Variants in PRTG observed in about 807,000 individuals in gnomAD.
PRTG encodes the protein protogenin.
In PRTG, 67 loss-of-function variants were observed where a neutral mutation model predicts 122.5. The ratio of observed to expected loss-of-function variants is 0.55; its 90% CI spans 0.45 to 0.67. The LOEUF is 0.67. Among genes scored for constraint, PRTG ranks in the 30% least tolerant of loss-of-function variants. PRTG has a pLI of 0.00. For synonymous variants in PRTG, 554 were observed against 501.1 expected (o/e 1.11, Z -1.41); for missense variants, 1,435 against 1,415.4 (o/e 1.01, Z -0.22).
Position 55,620,746 on chromosome 15 carries a change from T to C in PRTG, c.3115A>G (p.Asn1039Asp). ...TTTTTAATTATAGGACCATAGCTAT[T>C]AATTATCAGGTCAGTTCCTCCCTGA... ...DAKGGTDLII[N>D]SYGPIIKNNS... Residue 1039 changes from asparagine to aspartate, a missense_variant, in exon 19 of 20, where the codon AAT (asparagine) becomes GAT (aspartate). Transcript: ENST00000389286. The C allele has an allele frequency of 6.3e-7, 1 of 1,595,554 alleles. No homozygotes were observed. Among genetic ancestry groups the C allele is most frequent in the African/African-American group, 1.4e-5 (1 of 73,638 alleles).
intron 15 of PRTG, among the ~76,000 whole-genome samples, chr15:55,634,323 C>G (rs935577201): frequency 1.3e-5 from 2 of 152,066 alleles, no homozygotes; most frequent in African/African-American, 4.8e-5. Context: ...CCTGCCTCAG[C>G]CTCCAAACTG....
intron 2 of PRTG, among the ~76,000 whole-genome samples, chr15:55,701,264 C>T (rs1426201326): frequency 3.3e-5 from 5 of 152,096 alleles, no homozygotes; most frequent in African/African-American, 4.8e-5. Flanking sequence ...TGGCCGGGCG[C>T]GGTGGCTCAC....
intron 2 of PRTG, among the ~76,000 whole-genome samples, chr15:55,718,451 T>C (rs1456660559): frequency 6.6e-6 from 1 of 152,046 alleles, no homozygotes; most frequent in Non-Finnish European, 1.5e-5. Context: ...TTCTACACCT[T>C]GTGACCCCCA....
At chr15:55,652,651 G>A (rs959269463) in intron 11 of PRTG, among the ~76,000 whole-genome samples, 15 of 152,152 alleles carry the variant, frequency 9.9e-5, no homozygotes, top group Non-Finnish European at 1.6e-4. Flanking sequence ...CAGCAGCAGA[G>A]GAGCAGGAAA....
At chr15:55,732,706 C>A (rs1213560081) in intron 2 of PRTG, among the ~76,000 whole-genome samples, 1 of 151,968 alleles carries the variant, frequency 6.6e-6, no homozygotes, top group Non-Finnish European at 1.5e-5. Context: ...GTTGGTCAGG[C>A]TGGTCTCGAA....
chr15:55,661,701 T>G (rs2059410680), intron 11 of PRTG, among the ~76,000 whole-genome samples: 1 of 152,156 alleles, frequency 6.6e-6, no homozygotes, highest in Non-Finnish European at 1.5e-5. Flanking sequence ...AACCACTAAA[T>G]ATCAACTTTT....
chr15:55,738,071 A>AATATATATATATATATATATATATATAT lies in PRTG; in HGVS notation c.397+2310_397+2311insATATATATATATATATATATATATATAT, dbSNP rs60260369. 6.4e-3 allele frequency: 671 copies of AATATATATATATATATATATATATATAT among 105,198 alleles called. 13 individuals are homozygous for AATATATATATATATATATATATATATAT. Among genetic ancestry groups the AATATATATATATATATATATATATATAT allele is most frequent in the Middle Eastern group, 0.01 (2 of 200 alleles). 6.5% of individuals were successfully genotyped at this position (105,198 alleles called of 1,614,324 possible). On this transcript the variant is annotated intron_variant, in intron 2 of 19. Coordinates refer to ENST00000389286, the MANE Select transcript of PRTG (RefSeq NM_173814.6). ...ACACACCACACACACTCTTCCTGTA[A>AATATATATATATATATATATATATATAT]ATATATATATATATATATATATTTA...
intron 11 of PRTG, among the ~76,000 whole-genome samples, chr15:55,662,498 C>G (rs75013819): frequency 0.082 from 12,534 of 152,204 alleles, 578 homozygotes; most frequent in Non-Finnish European, 0.11. Context: ...AATATGGCAG[C>G]CTGATCTCCT....
rs901405008 is a variant in PRTG at position 55,618,455 on chromosome 15, C to T, written c.*1557G>A. 4 of 151,934 alleles carry T rather than the reference C, an allele frequency of 2.6e-5. No individual in the cohort carries two copies. Among genetic ancestry groups the T allele is most frequent in the Non-Finnish European group, 5.9e-5 (4 of 67,958 alleles). 9.4% of individuals were successfully genotyped at this position (151,934 alleles called of 1,614,324 possible). A position where few individuals can be genotyped will look rare whatever the true frequency, so the allele number is the denominator to read the frequency against. ...ATACTTTTAAAAGGATATGGGACCCCTTCTCTACACGCGTTTAGTTCTTTA... is the reference window on the plus strand; with the variant it reads ...ATACTTTTAAAAGGATATGGGACCCTTTCTCTACACGCGTTTAGTTCTTTA... On this transcript the variant is annotated 3_prime_UTR_variant, in exon 20 of 20. Coordinates refer to ENST00000389286, the MANE Select transcript of PRTG (RefSeq NM_173814.6).
chr15:55,737,721 G>C (rs1298623945), intron 2 of PRTG, among the ~76,000 whole-genome samples: 1 of 151,966 alleles, frequency 6.6e-6, no homozygotes, highest in Non-Finnish European at 1.5e-5. Flanking sequence ...GCAACTTTCA[G>C]CTTCTAGTTC....
chr15:55,710,280 T>C (rs1294858378), intron 2 of PRTG, among the ~76,000 whole-genome samples: 1 of 152,210 alleles, frequency 6.6e-6, no homozygotes, highest in Non-Finnish European at 1.5e-5. Flanking sequence ...ATCAGTTTCT[T>C]CATCCTCAAA....
chr15:55,708,147 G>GGA (rs1567109053), intron 2 of PRTG, among the ~76,000 whole-genome samples: 1 of 27,944 alleles, frequency 3.6e-5, no homozygotes, highest in Non-Finnish European at 7.4e-5. Context: ...GAGTAAGCTG[G>GGA]TAAAAAAAAA....
chr15:55,717,004 G>A (rs1356621329), intron 2 of PRTG, among the ~76,000 whole-genome samples: 1 of 152,108 alleles, frequency 6.6e-6, no homozygotes, highest in Non-Finnish European at 1.5e-5. Context: ...TAGAAGCAGT[G>A]GCTTTACTCA....
At chr15:55,734,275 G>A (rs2031338289) in intron 2 of PRTG, among the ~76,000 whole-genome samples, 1 of 152,120 alleles carries the variant, frequency 6.6e-6, no homozygotes, top group Non-Finnish European at 1.5e-5. Flanking sequence ...ATCACATTCT[G>A]AGTAGTTTTA....
In PRTG at chr15:55,654,133, A is replaced by G. The variant is rs903073235; in HGVS notation, c.2042-12925T>C. 1.5e-4 allele frequency among the ~76,000 whole-genome samples: 23 copies of G among 152,300 alleles called. No individual in the cohort carries two copies. In the South Asian group the frequency reaches 1.7e-3, roughly 11 times the overall value. ...GATCTTCTACGTACTTCTCTAATGG[A>G]AGACTTTTCCTTTTGTGAATCACTG... On this transcript the variant is annotated intron_variant, in intron 11 of 19. Transcript: ENST00000389286.
chr15:55,669,256 T>A (rs540818663), intron 11 of PRTG, among the ~76,000 whole-genome samples: 1 of 152,138 alleles, frequency 6.6e-6, no homozygotes, highest in Non-Finnish European at 1.5e-5. Flanking sequence ...CAAATTGACA[T>A]TGAATCAGCA....
intron 11 of PRTG, among the ~76,000 whole-genome samples, chr15:55,653,493 G>A (rs777717897): frequency 6.8e-6 from 1 of 148,068 alleles, no homozygotes; most frequent in Non-Finnish European, 1.5e-5. Flanking sequence ...ATGGAGTTTC[G>A]CTCTTTGTTG....
At chr15:55,737,996 CTCTCTCTA>C (rs1218032299) in intron 2 of PRTG, among the ~76,000 whole-genome samples, 3 of 65,332 alleles carry the variant, frequency 4.6e-5, no homozygotes, top group Non-Finnish European at 7.4e-5. Context: ...CTCTCTCTCT[CTCTCTCTA>C]TATATATATA....
At chr15:55,731,248 AGTCCACTTTGGG>A (rs1487583885) in intron 2 of PRTG, among the ~76,000 whole-genome samples, 1 of 152,054 alleles carries the variant, frequency 6.6e-6, no homozygotes, top group Non-Finnish European at 1.5e-5. Flanking sequence ...TCCTATTGTA[AGTCCACTTTGGG>A]GTCAATATTT....
Sources: gnomAD v4.1 joint callset for allele counts (sites outside exome capture counted in the v4.1 genomes callset) on GRCh38, gnomAD v4.1.1 for gene constraint, MANE v1.5 for transcripts, NCBI Gene and HGNC (gene_info 2026-07-23, HGNC 2026-07-21) for gene names.